The following HPSE2 variants were observed in gnomAD, a reference collection of about 807,000 sequenced individuals.
The protein encoded by HPSE2 is heparanase 2 (inactive), also known as inactive heparanase-2.
In HPSE2, 38 loss-of-function variants were observed where a neutral mutation model predicts 60.5. The ratio of observed to expected loss-of-function variants is 0.63; its 90% confidence interval spans 0.48 to 0.82. HPSE2 has a LOEUF of 0.82. Ranked by LOEUF, HPSE2 falls within the 40% of genes least tolerant of loss-of-function variation. HPSE2 has a pLI of 0.00. For missense variants in HPSE2, 713 were observed against 740.4 expected (o/e 0.96, Z 0.43); for synonymous variants, 295 against 293.2 (o/e 1.01, Z -0.06).
intron 3 of HPSE2, among the ~76,000 whole-genome samples, chr10:98,781,551 A>G (rs1360401384): frequency 1.3e-5 from 2 of 152,242 alleles, no homozygotes; most frequent in African/African-American, 4.8e-5. Flanking sequence ...AAATTGGCAA[A>G]AGACGTAAGC....
chr10:98,650,164 A>G (rs1946879210), intron 6 of HPSE2, among the ~76,000 whole-genome samples: 1 of 152,224 alleles, frequency 6.6e-6, no homozygotes, highest in South Asian at 2.1e-4. Flanking sequence ...GAAATTAAGA[A>G]GCCATGTCTT....
intron 3 of HPSE2, among the ~76,000 whole-genome samples, chr10:98,859,343 T>C (rs1177783458): frequency 1.3e-5 from 2 of 152,204 alleles, no homozygotes; most frequent in Non-Finnish European, 2.9e-5. Context: ...TGTCAACTTG[T>C]CTGGGCTAAG....
In HPSE2 at chr10:98,939,532, C is replaced by G. The variant is rs1369497242; in HGVS notation, c.611-195476G>C. Among the ~76,000 whole-genome samples the G allele has an allele frequency of 1.0e-4, 15 of 143,828 alleles. 1 individual carries two copies. In the East Asian group the frequency reaches 2.8e-3, roughly 26 times the overall value. 94.4% of individuals were successfully genotyped at this position (143,828 alleles called of 152,430 possible). On this transcript the variant is annotated intron_variant, in intron 3 of 11. Coordinates refer to ENST00000370552, the MANE Select transcript of HPSE2 (RefSeq NM_021828.5). ...GGATCAATTCAACAAGAAGAGCTAA[C>G]TATCCTAAATATATATGCACCCAAT...
intron 6 of HPSE2, among the ~76,000 whole-genome samples, chr10:98,673,989 T>C (rs1291007257): frequency 6.6e-6 from 1 of 152,208 alleles, no homozygotes; most frequent in African/African-American, 2.4e-5. Context: ...TACAGATTTC[T>C]ACTCAGTAGG....
At chr10:98,638,164 G>T (rs931599458) in intron 7 of HPSE2, among the ~76,000 whole-genome samples, 2 of 77,270 alleles carry the variant, frequency 2.6e-5, no homozygotes, top group Non-Finnish European at 5.1e-5. Context: ...AAAAAAAAAA[G>T]GCTGGGTGCA....
intron 3 of HPSE2, among the ~76,000 whole-genome samples, chr10:99,142,111 A>T (rs1427001986): frequency 6.6e-6 from 1 of 152,238 alleles, no homozygotes. Flanking sequence ...AGACTTATAC[A>T]GAAAGAAATC....
intron 9 of HPSE2, among the ~76,000 whole-genome samples, chr10:98,496,734 A>G (rs1941852060): frequency 6.6e-6 from 1 of 152,250 alleles, no homozygotes; most frequent in Admixed American, 6.5e-5. Flanking sequence ...GAAGAGACAG[A>G]TTCATGATGC....
chr10:98,708,306 A>G (rs1948597568), intron 5 of HPSE2, among the ~76,000 whole-genome samples: 1 of 152,018 alleles, frequency 6.6e-6, no homozygotes, highest in Admixed American at 6.6e-5. Context: ...AATACAAAAA[A>G]TTAGCTGGGC....
At chr10:99,015,368 C>T (rs1160495377) in intron 3 of HPSE2, among the ~76,000 whole-genome samples, 4 of 152,148 alleles carry the variant, frequency 2.6e-5, no homozygotes, top group African/African-American at 7.2e-5. Context: ...CACATGCACA[C>T]GTATGTTTAT....
intron 3 of HPSE2, among the ~76,000 whole-genome samples, chr10:98,877,725 AAACT>A (rs1952915911): frequency 6.6e-6 from 1 of 151,912 alleles, no homozygotes; most frequent in African/African-American, 2.4e-5. Context: ...CTCACTTCCA[AAACT>A]AACATACCAA....
chr10:99,288,995 T>C, the HPSE2 span, among the ~76,000 whole-genome samples: 6 of 152,162 alleles, frequency 3.9e-5, no homozygotes, highest in Non-Finnish European at 8.8e-5. Flanking sequence ...AAAAATCTAA[T>C]ATAATTAAAT....
intron 3 of HPSE2, among the ~76,000 whole-genome samples, chr10:98,943,536 G>A (rs946647478): frequency 6.6e-6 from 1 of 151,956 alleles, no homozygotes; most frequent in African/African-American, 2.4e-5. Context: ...ATACTAGGAA[G>A]GTCTGTGTGA....
upstream of HPSE2, among the ~76,000 whole-genome samples, chr10:99,239,020 A>G (rs1760891483): frequency 6.6e-6 from 1 of 152,158 alleles, no homozygotes; most frequent in Admixed American, 6.5e-5. Flanking sequence ...TTAGCTGGGC[A>G]TGGTGGTGGG....
rs1018672466 is a variant in HPSE2, at chr10:98,933,295, G to C, written c.611-189239C>G. Reference sequence around the variant, plus strand: ...GGTTTTGAGTGGGCTTTTTAATCTTGAGTTTTAATTTGACTGCACTGTGGT... The same window carrying C: ...GGTTTTGAGTGGGCTTTTTAATCTTCAGTTTTAATTTGACTGCACTGTGGT... On this transcript the variant is annotated intron_variant, in intron 3 of 11. Transcript: ENST00000370552. Among the ~76,000 whole-genome samples the C allele has an allele frequency of 2.1e-5, 3 of 144,012 alleles. 1 individual carries two copies. Among genetic ancestry groups the C allele is most frequent in the African/African-American group, 8.5e-5 (3 of 35,408 alleles). The allele number at this position is 144,012 out of a possible 152,430, so 94.5% of individuals were successfully genotyped here.
At chr10:99,066,770 C>G (rs866757011) in intron 3 of HPSE2, among the ~76,000 whole-genome samples, 1 of 152,096 alleles carries the variant, frequency 6.6e-6, no homozygotes, top group Middle Eastern at 3.2e-3. Context: ...CATTCTGCCT[C>G]TGCCCCCCAC....
intron 3 of HPSE2, among the ~76,000 whole-genome samples, chr10:99,068,561 C>A (rs553284802): frequency 2.4e-4 from 37 of 152,180 alleles, no homozygotes; most frequent in Admixed American, 1.3e-4. Context: ...ATTATCTCCA[C>A]CTGGCCCCAC....
At chr10:98,611,721 C>T (rs75393328) in intron 9 of HPSE2, among the ~76,000 whole-genome samples, 5,559 of 152,218 alleles carry the variant, frequency 0.037, 357 homozygotes, top group African/African-American at 0.13. Context: ...ACACACTCTC[C>T]CAGCTGCCAA....
At chr10:98,626,741 AC>A (rs1946224868) in intron 7 of HPSE2, among the ~76,000 whole-genome samples, 1 of 152,040 alleles carries the variant, frequency 6.6e-6, no homozygotes, top group Non-Finnish European at 1.5e-5. Flanking sequence ...GGCATGCCCA[AC>A]TCAGAGGGGT....
chr10:99,257,508 G>C, the HPSE2 span, among the ~76,000 whole-genome samples: 1 of 152,170 alleles, frequency 6.6e-6, no homozygotes, highest in Admixed American at 6.5e-5. Context: ...GTCTCCGGTA[G>C]CACTCCCAGG....
Sources: gnomAD v4.1 joint callset for allele counts (sites outside exome capture counted in the v4.1 genomes callset) on GRCh38, gnomAD v4.1.1 for gene constraint, MANE v1.5 for transcripts, NCBI Gene and HGNC (gene_info 2026-07-23, HGNC 2026-07-21) for gene names.